SPAG6: variants seen among roughly 807,000 people sequenced by gnomAD.
SPAG6 encodes the protein sperm associated antigen 6.
Under a neutral mutation model 58.5 loss-of-function variants are expected in SPAG6, and 49 were observed. The observed-to-expected ratio is 0.84, with a 90% CI of 0.67 to 1.06. The LOEUF (loss-of-function observed/expected upper bound fraction) is 1.06, where lower values mean the gene tolerates loss of function less well. Among genes scored for constraint, SPAG6 ranks in the 50% least tolerant of loss-of-function variants. SPAG6 has a pLI of 0.00. For synonymous variants in SPAG6, 233 were observed against 225.6 expected (o/e 1.03, Z -0.29); for missense variants, 560 against 611.3 (o/e 0.92, Z 0.89).
chr10:22,410,963 T>G, intron 9 of SPAG6, 68 bp from the exon 10 acceptor site: 1 of 1,498,072 alleles, frequency 6.7e-7, no homozygotes, highest in Non-Finnish European at 9.0e-7. Flanking sequence ...CATACAGTAT[T>G]GCTTTTCAAT....
At chr10:22,349,579 C>G (rs541573927) in intron 2 of SPAG6, among the ~76,000 whole-genome samples, 1 of 152,180 alleles carries the variant, frequency 6.6e-6, no homozygotes, top group South Asian at 2.1e-4. Context: ...AATAGAAGCT[C>G]CAAGAAAATG....
At chr10:22,400,937 C>T (rs1466482168) in intron 8 of SPAG6, among the ~76,000 whole-genome samples, 1 of 152,088 alleles carries the variant, frequency 6.6e-6, no homozygotes, top group Non-Finnish European at 1.5e-5. Context: ...CAGTAATACA[C>T]TTTACATTTT....
Position 22,416,994 on chromosome 10 carries a change from A to G in SPAG6, c.*306A>G, listed in dbSNP as rs1213543301. The G allele has an allele frequency of 4.7e-6, 1 of 214,182 alleles. No individual in the cohort carries two copies. Among genetic ancestry groups the G allele is most frequent in the Non-Finnish European group, 9.5e-6 (1 of 105,316 alleles). The allele number at this position is 214,182 out of a possible 1,614,324, so 13.3% of individuals were successfully genotyped here. A position where few individuals can be genotyped will look rare whatever the true frequency, so the allele number is the denominator to read the frequency against. ...CACACTCGTACATGCAGACACCTCCAATGAGATATAGTTAAGAGATGGCAT... is the reference window on the plus strand; with the variant it reads ...CACACTCGTACATGCAGACACCTCCGATGAGATATAGTTAAGAGATGGCAT... On this transcript the variant is annotated 3_prime_UTR_variant, in exon 11 of 11. Transcript: ENST00000376624.
chr10:22,415,924 G>T (rs1467037058), intron 10 of SPAG6, among the ~76,000 whole-genome samples: 1 of 151,948 alleles, frequency 6.6e-6, no homozygotes, highest in Non-Finnish European at 1.5e-5. Flanking sequence ...ATCTCACAAT[G>T]CACTGATCAA....
At chr10:22,354,302 C>A (rs1836807303) in intron 2 of SPAG6, among the ~76,000 whole-genome samples, 1 of 152,128 alleles carries the variant, frequency 6.6e-6, no homozygotes, top group African/African-American at 2.4e-5. Context: ...GGGGTTGGGG[C>A]AGGTAAGGCG....
chr10:22,378,476 A>C (rs1833875765), intron 4 of SPAG6, among the ~76,000 whole-genome samples: 1 of 149,380 alleles, frequency 6.7e-6, no homozygotes, highest in Non-Finnish European at 1.5e-5. Context: ...AACCACAACT[A>C]TGGTTGCAAA....
intron 2 of SPAG6, among the ~76,000 whole-genome samples, chr10:22,349,313 A>G (rs1476080560): frequency 1.3e-5 from 2 of 152,140 alleles, no homozygotes; most frequent in South Asian, 2.1e-4. Context: ...AAATTTCTTT[A>G]TGTACTCTCA....
chr10:22,411,683 C>CTAT (rs1350268870), intron 10 of SPAG6: 1 of 151,920 alleles, frequency 6.6e-6, no homozygotes, highest in Admixed American at 6.6e-5. Context: ...TAGCAAGATG[C>CTAT]TATTTTCAGG....
At chr10:22,414,276 G>A (rs1019541695) in intron 10 of SPAG6, among the ~76,000 whole-genome samples, 1 of 152,046 alleles carries the variant, frequency 6.6e-6, no homozygotes, top group African/African-American at 2.4e-5. Context: ...AGGTTAATTC[G>A]CTTACATTCT....
At chr10:22,393,103 C>G (rs1377489708) in intron 8 of SPAG6, among the ~76,000 whole-genome samples, 1 of 152,046 alleles carries the variant, frequency 6.6e-6, no homozygotes, top group Non-Finnish European at 1.5e-5. Flanking sequence ...TGGTGAGAAA[C>G]CAAAACTCTA....
chr10:22,380,396 T>G (rs1016330957), intron 4 of SPAG6, among the ~76,000 whole-genome samples: 1 of 152,098 alleles, frequency 6.6e-6, no homozygotes, highest in African/African-American at 2.4e-5. Context: ...TTCTGCCTCC[T>G]GGGTTCAAGG....
intron 10 of SPAG6, among the ~76,000 whole-genome samples, chr10:22,413,599 C>A (rs1834796800): frequency 6.6e-6 from 1 of 151,596 alleles, no homozygotes; most frequent in African/African-American, 2.4e-5. Context: ...TTCTCCACTT[C>A]CCCAATTCTG....
intron 4 of SPAG6, among the ~76,000 whole-genome samples, chr10:22,383,901 T>C (rs572755096): frequency 2.0e-5 from 3 of 152,150 alleles, no homozygotes; most frequent in East Asian, 1.9e-4. Context: ...TTAATGAACA[T>C]TCAGTGAGTG....
At chr10:22,402,366 A>G (rs1394937754) in intron 9 of SPAG6, among the ~76,000 whole-genome samples, 1 of 152,182 alleles carries the variant, frequency 6.6e-6, no homozygotes, top group East Asian at 1.9e-4. Context: ...CTCTTCATAC[A>G]CTATGTTTCT....
At chr10:22,356,114 GTA>G (rs1836859075) in intron 2 of SPAG6, among the ~76,000 whole-genome samples, 1 of 152,224 alleles carries the variant, frequency 6.6e-6, no homozygotes, top group South Asian at 2.1e-4. Flanking sequence ...TGGGCTAGCT[GTA>G]TATTGAGAAC....
chr10:22,411,679 G>A (rs1009882970), intron 10 of SPAG6: 1 of 152,098 alleles, frequency 6.6e-6, no homozygotes, highest in African/African-American at 2.4e-5. Flanking sequence ...AATATAGCAA[G>A]ATGCTATTTT....
chr10:22,346,081 T>G, intron 2 of SPAG6: 1 of 1,504,682 alleles, frequency 6.6e-7, no homozygotes, highest in Non-Finnish European at 8.9e-7. Flanking sequence ...GCCCTAGGAA[T>G]TGCCTGGAGT....
At chr10:22,395,675 GTTATC>G (rs1264909737) in intron 8 of SPAG6, among the ~76,000 whole-genome samples, 3 of 152,022 alleles carry the variant, frequency 2.0e-5, no homozygotes, top group African/African-American at 7.2e-5. Context: ...CATTCTGTGG[GTTATC>G]TTATTTTCTT....
intron 2 of SPAG6, among the ~76,000 whole-genome samples, chr10:22,350,589 G>A (rs985564160): frequency 1.3e-5 from 2 of 152,064 alleles, no homozygotes; most frequent in African/African-American, 2.4e-5. Flanking sequence ...CTTTACATTC[G>A]AATGAGGTTT....
Sources: gnomAD v4.1 joint callset for allele counts (sites outside exome capture counted in the v4.1 genomes callset) on GRCh38, gnomAD v4.1.1 for gene constraint, MANE v1.5 for transcripts, NCBI Gene and HGNC (gene_info 2026-07-23, HGNC 2026-07-21) for gene names.